Variants in MAPT observed in about 807,000 individuals in gnomAD.
MAPT encodes the protein microtubule associated protein tau, also known as microtubule-associated protein tau.
MAPT carries 34 observed loss-of-function variants against 67.9 expected under a neutral mutation model. That is an observed-to-expected ratio of 0.50 (90% CI 0.38 to 0.67). The LOEUF (loss-of-function observed/expected upper bound fraction) is 0.67, where lower values mean the gene tolerates loss of function less well. MAPT is among the 30% of genes least tolerant of loss of function. MAPT has a pLI of 0.00. For missense variants in MAPT, 881 were observed against 1,115.2 expected (o/e 0.79, Z 2.99); for synonymous variants, 456 against 464.5 (o/e 0.98, Z 0.23).
At chr17:45,947,149 C>A (rs766771506) in intron 1 of MAPT, among the ~76,000 whole-genome samples, 27 of 152,062 alleles carry the variant, frequency 1.8e-4, no homozygotes, top group African/African-American at 6.3e-4. Context: ...CCAGAGCTCA[C>A]ACTTCAGAGC....
intron 9 of MAPT, among the ~76,000 whole-genome samples, chr17:46,006,700 G>A (rs948254134): frequency 4.6e-5 from 7 of 151,690 alleles, no homozygotes; most frequent in Non-Finnish European, 8.8e-5. Context: ...CGATCACGAG[G>A]TCAGGAGATC....
In MAPT at chr17:45,982,970, G is replaced by T. The variant is rs1252343359; in HGVS notation, c.391G>T (p.Val131Phe). 7.7e-6 allele frequency: 11 copies of T among 1,434,592 alleles called. No individual in the cohort carries two copies. The highest frequency in any genetic ancestry group is 1.0e-5 in the Non-Finnish European group (11 of 1,097,906). The allele number at this position is 1,434,592 out of a possible 1,614,324, so 88.9% of individuals were successfully genotyped here. The stretch of plus-strand genomic sequence containing the variant: ...TGGACCCTGCGGAGAGGCCTCTGGG[G>T]TCTCTGGGCCGTGCCTCGGGGAGAA... ...QPGPCGEASG[V>F]SGPCLGEKEP... is the part of the protein sequence containing the mutation. The change falls in exon 5 of 13, where the codon GTC (valine) becomes TTC (phenylalanine). Residue 131 changes from valine to phenylalanine, a missense_variant. Physicochemically the swap from Val to Phe is conservative, Grantham distance 50. Around this residue, in one of 6 missense-constraint regions of MAPT, gnomAD observed 687 missense variants for 766.1 expected, o/e 0.90. Transcript: ENST00000262410.
Position 45,906,151 on chromosome 17 carries a change from G to T in MAPT, c.-18+11465G>T, listed in dbSNP as rs1382153357. Among the ~76,000 whole-genome samples the T allele has an allele frequency of 6.6e-6, 1 of 152,152 alleles. No homozygotes were observed. The highest frequency in any genetic ancestry group is 1.5e-5 in the Non-Finnish European group (1 of 68,028). On this transcript the variant is annotated intron_variant, in intron 1 of 12. Transcript: ENST00000262410. The surrounding 1 kb of genome is among the most constrained non-coding windows in gnomAD (Gnocchi z 4.3). ...CCAGGGTGCAAGACAGTGGGTGGGG[G>T]TGCCTTGAGCATGACCTCAAGTGAT... is the stretch of plus-strand genomic sequence containing the variant.
rs754783825 is a variant in MAPT at position 45,972,063 on chromosome 17, G to T, written c.220+118G>T. ...GGCTGAGAGATGTGCTCACTCCTTC[G>T]GTGCTTTGCAGGACAGCGTGGTGGG... On this transcript the variant is annotated intron_variant, in intron 3 of 12. Coordinates refer to ENST00000262410, the MANE Select transcript of MAPT (RefSeq NM_001377265.1). The T allele has an allele frequency of 6.8e-4, 529 of 782,812 alleles. 5 individuals are homozygous for T. Among genetic ancestry groups the T allele is most frequent in the Non-Finnish European group, 1.1e-4 (49 of 451,952 alleles). 48.5% of individuals were successfully genotyped at this position (782,812 alleles called of 1,614,324 possible).
At chr17:46,000,873 G>A (rs1023752765) in intron 9 of MAPT, among the ~76,000 whole-genome samples, 11 of 152,148 alleles carry the variant, frequency 7.2e-5, no homozygotes, top group African/African-American at 1.4e-4. Context: ...GCTCATCCCC[G>A]CCCTGTTTGG....
chr17:46,006,530 C>T (rs1225593071), intron 9 of MAPT, among the ~76,000 whole-genome samples: 1 of 151,890 alleles, frequency 6.6e-6, no homozygotes, highest in Admixed American at 6.6e-5. Context: ...AGCAGGGTGA[C>T]GACAGCCAAC....
intron 2 of MAPT, among the ~76,000 whole-genome samples, chr17:45,965,174 G>A (rs2070919024): frequency 6.6e-6 from 1 of 152,086 alleles, no homozygotes; most frequent in Non-Finnish European, 1.5e-5. Context: ...GCTCACACCT[G>A]TAATCCCAGC....
intron 9 of MAPT, among the ~76,000 whole-genome samples, chr17:45,998,574 T>A (rs996901551): frequency 1.3e-5 from 2 of 151,990 alleles, no homozygotes; most frequent in Admixed American, 6.5e-5. Flanking sequence ...ACGATCCGGG[T>A]TAAATTAAGG....
In MAPT at chr17:45,983,827, T is replaced by G. The variant is rs2073258296; in HGVS notation, c.1248T>G (p.Ser416=). The change falls in exon 5 of 13, where the codon TCT becomes TCG. Residue 416 remains serine, a synonymous_variant. Coordinates refer to ENST00000262410, the MANE Select transcript of MAPT (RefSeq NM_001377265.1). ...AGGGGCCAGAGGCCCGGGGCCCCTC[T>G]TTGGGAGAGGACACAAAAGAGGCTG... ...PGEGPEARGP[S]LGEDTKEADL... is the part of the protein sequence containing the mutation. The G allele has an allele frequency of 6.2e-7, 1 of 1,612,504 alleles. No homozygotes were observed. The highest frequency in any genetic ancestry group is 1.1e-5 in the South Asian group (1 of 91,050).
At position 46,027,371 on chromosome 17, in the gene MAPT, T is replaced by TCC. The variant is rs1209096254; in HGVS notation, c.*3203_*3204dup. Reference sequence around the variant, plus strand: ...CAATCCCCCCAGGGCTGGGCACTCCTCCCCTCCCCTCACTTCTCCCACCTG... The same window carrying TCC: ...CAATCCCCCCAGGGCTGGGCACTCCTCCCCCCTCCCCTCACTTCTCCCACCTG... On this transcript the variant is annotated 3_prime_UTR_variant, in exon 13 of 13. Coordinates refer to ENST00000262410, the MANE Select transcript of MAPT (RefSeq NM_001377265.1). 6.5e-6 allele frequency: 1 copy of TCC among 152,800 alleles called. No homozygotes were observed. 9.5% of individuals were successfully genotyped at this position (152,800 alleles called of 1,614,324 possible). A position where few individuals can be genotyped will look rare whatever the true frequency, so the allele number is the denominator to read the frequency against.
intron 11 of MAPT, among the ~76,000 whole-genome samples, chr17:46,016,390 CAAAA>C (rs1263862033): frequency 2.0e-5 from 2 of 101,084 alleles, no homozygotes; most frequent in Admixed American, 1.1e-4. Flanking sequence ...GACTCCGTCT[CAAAA>C]AAAAAAAAAA....
intron 5 of MAPT, 93 bp from the exon 6 acceptor site, chr17:45,986,947 C>T: frequency 9.1e-7 from 1 of 1,093,924 alleles, no homozygotes; most frequent in Non-Finnish European, 1.4e-6. Context: ...CAAACATGGA[C>T]CTATCCCAGA....
chr17:46,023,304 C>T (rs767289184), intron 12 of MAPT, among the ~76,000 whole-genome samples: 1 of 152,204 alleles, frequency 6.6e-6, no homozygotes, highest in African/African-American at 2.4e-5. Context: ...TCACTAAAGG[C>T]GGGAGCAGCC....
chr17:45,940,861 T>G (rs539918134), intron 1 of MAPT, among the ~76,000 whole-genome samples: 9 of 152,316 alleles, frequency 5.9e-5, no homozygotes, highest in African/African-American at 1.9e-4. Context: ...GTAACCACTT[T>G]AGGTGCTATC....
chr17:46,014,362 G>T (rs777034639), intron 11 of MAPT, 38 bp downstream of exon 11: 1 of 1,437,192 alleles, frequency 7.0e-7, no homozygotes, highest in East Asian at 2.3e-5. Flanking sequence ...ACGGGAGGGT[G>T]CAGGGGGTGG....
intron 10 of MAPT, among the ~76,000 whole-genome samples, chr17:46,012,871 G>A (rs112638159): frequency 1.3e-4 from 20 of 151,280 alleles, no homozygotes; most frequent in Non-Finnish European, 1.6e-4. Context: ...CCTCAGTGCT[G>A]GCCTCAGAGC....
chr17:45,946,615 A>AAAAAAAAAAATATATAT, intron 1 of MAPT, among the ~76,000 whole-genome samples: 2 of 100,406 alleles, frequency 2.0e-5, no homozygotes, highest in Non-Finnish European at 3.9e-5. Flanking sequence ...AAAAAAAAAA[A>AAAAAAAAAAATATATAT]ATATATATAT....
chr17:46,014,117 G>A, intron 10 of MAPT, 126 bp from the exon 11 acceptor site: 1 of 707,516 alleles, frequency 1.4e-6, no homozygotes, highest in Admixed American at 2.0e-5. Flanking sequence ...ATAAGGGCCT[G>A]GGCTTACACA....
chr17:46,003,426 A>C (rs1057369270), intron 9 of MAPT, among the ~76,000 whole-genome samples: 3 of 151,972 alleles, frequency 2.0e-5, no homozygotes, highest in Non-Finnish European at 4.4e-5. Flanking sequence ...TTACAAGCAC[A>C]CACCACCATG....
Sources: gnomAD v4.1 joint callset for allele counts (sites outside exome capture counted in the v4.1 genomes callset) on GRCh38, gnomAD v4.1.1 for gene constraint, gnomAD v4.1.1 regional missense constraint, Gnocchi (gnomAD v3.1) non-coding constraint, MANE v1.5 for transcripts, NCBI Gene and HGNC (gene_info 2026-07-23, HGNC 2026-07-21) for gene names.